Variants in SLC14A2 observed in about 807,000 individuals in gnomAD.
SLC14A2 encodes the protein urea transporter 2.
In SLC14A2, 91 loss-of-function variants were observed where a neutral mutation model predicts 104.6. The ratio of observed to expected loss-of-function variants is 0.87; its 90% confidence interval spans 0.73 to 1.04. SLC14A2 has a LOEUF of 1.04. Ranked by LOEUF, SLC14A2 falls within the 50% of genes least tolerant of loss-of-function variation. SLC14A2 has a pLI of 0.00. For missense variants in SLC14A2, 1,189 were observed against 1,156.0 expected, an observed-to-expected ratio of 1.03 and a Z score of -0.41; for synonymous variants, 476 against 466.4, an observed-to-expected ratio of 1.02 and a Z score of -0.27.
intron 1 of SLC14A2, among the ~76,000 whole-genome samples, chr18:45,235,921 GTGTATATA>G (rs1303510056): frequency 9.1e-6 from 1 of 110,326 alleles, no homozygotes; most frequent in Non-Finnish European, 1.8e-5. Flanking sequence ...ACATATATGT[GTGTATATA>G]TGTATATATA....
chr18:45,422,776 T>C (rs562983534), intron 1 of SLC14A2, among the ~76,000 whole-genome samples: 1 of 152,338 alleles, frequency 6.6e-6, no homozygotes, highest in East Asian at 1.9e-4. Flanking sequence ...TAAGCTTTTA[T>C]AGGCCACCTC....
At chr18:45,314,456 G>A (rs2085108989) in intron 1 of SLC14A2, among the ~76,000 whole-genome samples, 1 of 152,198 alleles carries the variant, frequency 6.6e-6, no homozygotes, top group Admixed American at 6.5e-5. Flanking sequence ...GCACTCTGAG[G>A]TTTGTAAAGC....
the SLC14A2 span, among the ~76,000 whole-genome samples, chr18:45,182,333 T>C: frequency 6.6e-6 from 1 of 151,904 alleles, no homozygotes; most frequent in Non-Finnish European, 1.5e-5. Context: ...CAATACTGTA[T>C]AAAATGCTAT....
intron 1 of SLC14A2, among the ~76,000 whole-genome samples, chr18:45,261,769 T>G (rs1272111011): frequency 1.3e-5 from 2 of 152,216 alleles, no homozygotes; most frequent in Non-Finnish European, 2.9e-5. Context: ...AGTATTCCAT[T>G]GTGTATATGT....
chr18:45,239,790 C>T (rs759231898), intron 1 of SLC14A2, among the ~76,000 whole-genome samples: 1 of 152,100 alleles, frequency 6.6e-6, no homozygotes. Flanking sequence ...TTTAACATTC[C>T]AATAGGAGCT....
At chr18:45,343,645 TA>T (rs1260486961) in intron 1 of SLC14A2, among the ~76,000 whole-genome samples, 1 of 152,206 alleles carries the variant, frequency 6.6e-6, no homozygotes, top group Non-Finnish European at 1.5e-5. Flanking sequence ...CAATATCTGA[TA>T]AAAATAAAAT....
chr18:45,376,832 T>C (rs140184593), intron 1 of SLC14A2, among the ~76,000 whole-genome samples: 3 of 152,354 alleles, frequency 2.0e-5, no homozygotes, highest in Admixed American at 1.3e-4. Flanking sequence ...ATTCAATGGA[T>C]ACTTTATAAC....
At chr18:45,459,949 C>T (rs191235726) in intron 1 of SLC14A2, among the ~76,000 whole-genome samples, 6 of 152,316 alleles carry the variant, frequency 3.9e-5, no homozygotes, top group Admixed American at 6.5e-5. Flanking sequence ...TCCTCAAAAC[C>T]TTAGCCCATT....
At chr18:45,630,544 G>C (rs2045326891) in intron 4 of SLC14A2, among the ~76,000 whole-genome samples, 1 of 152,128 alleles carries the variant, frequency 6.6e-6, no homozygotes, top group African/African-American at 2.4e-5. Context: ...TTTATAGTCA[G>C]GGAGGGAAAT....
At chr18:45,175,316 C>T in the SLC14A2 span, among the ~76,000 whole-genome samples, 6 of 151,838 alleles carry the variant, frequency 4.0e-5, no homozygotes, top group African/African-American at 1.5e-4. Context: ...TCTCTGTATA[C>T]TAATTTAAAA....
chr18:45,604,731 A>G (rs1387207152), intron 2 of SLC14A2, among the ~76,000 whole-genome samples: 1 of 152,242 alleles, frequency 6.6e-6, no homozygotes, highest in East Asian at 1.9e-4. Context: ...ATCAGCTAAT[A>G]TGTCAAGGCA....
chr18:45,407,280 T>C (rs2086165998), intron 1 of SLC14A2, among the ~76,000 whole-genome samples: 3 of 152,244 alleles, frequency 2.0e-5, no homozygotes, highest in Admixed American at 6.5e-5. Flanking sequence ...AGACAGTTTT[T>C]CTTAAGCCTC....
intron 10 of SLC14A2, among the ~76,000 whole-genome samples, chr18:45,662,756 A>G (rs2045954515): frequency 6.6e-6 from 1 of 152,152 alleles, no homozygotes; most frequent in Non-Finnish European, 1.5e-5. Context: ...AATAGTGTGA[A>G]TGTTTTCTAC....
chr18:45,456,067 T>TG lies in SLC14A2; in HGVS notation c.-124-27161dup, dbSNP rs547788046. On this transcript the variant is annotated intron_variant, in intron 1 of 20. Transcript: ENST00000586448. Reference sequence around the variant, plus strand: ...TTTTGGTTTGGGTAACTCTTTACTCTGGGGGCTCACCTGTGCATTGTAGAA... The same window carrying TG: ...TTTTGGTTTGGGTAACTCTTTACTCTGGGGGGCTCACCTGTGCATTGTAGAA... Among the ~76,000 whole-genome samples the TG allele has an allele frequency of 4.5e-4, 68 of 152,266 alleles. 1 individual carries two copies. The South Asian group carries it at 0.014, about 31-fold the overall frequency.
chr18:45,591,142 T>A (rs1327308727), intron 2 of SLC14A2, among the ~76,000 whole-genome samples: 1 of 152,152 alleles, frequency 6.6e-6, no homozygotes, highest in African/African-American at 2.4e-5. Context: ...TATTTTTTTA[T>A]TTAAAGTTTT....
At chr18:45,565,399 T>C (rs1436956960) in intron 2 of SLC14A2, among the ~76,000 whole-genome samples, 1 of 152,100 alleles carries the variant, frequency 6.6e-6, no homozygotes, top group Non-Finnish European at 1.5e-5. Context: ...ATGCTGGGAT[T>C]ACAGGCATGA....
At chr18:45,352,479 T>C (rs1045593444) in intron 1 of SLC14A2, among the ~76,000 whole-genome samples, 8 of 152,184 alleles carry the variant, frequency 5.3e-5, no homozygotes, top group African/African-American at 9.7e-5. Flanking sequence ...CTCTTCTGTC[T>C]TCCCATTCTT....
At chr18:45,184,249 T>C in the SLC14A2 span, among the ~76,000 whole-genome samples, 2 of 152,200 alleles carry the variant, frequency 1.3e-5, no homozygotes, top group Non-Finnish European at 2.9e-5. Context: ...GGGTTAATGA[T>C]GTTAGAAAAC....
chr18:45,413,491 C>T (rs1384627652), intron 1 of SLC14A2, among the ~76,000 whole-genome samples: 4 of 152,128 alleles, frequency 2.6e-5, no homozygotes, highest in African/African-American at 7.2e-5. Context: ...TCTTCAGCTC[C>T]GTTTTCTTTC....
Sources: gnomAD v4.1 joint callset for allele counts (sites outside exome capture counted in the v4.1 genomes callset) on GRCh38, gnomAD v4.1.1 for gene constraint, MANE v1.5 for transcripts, NCBI Gene and HGNC (gene_info 2026-07-23, HGNC 2026-07-21) for gene names.